Variants in UGT1A9 observed in about 807,000 individuals in gnomAD.
The protein encoded by UGT1A9 is UDP glucuronosyltransferase family 1 member A9.
In UGT1A9, 35 loss-of-function variants were observed where a neutral mutation model predicts 45.0. The observed-to-expected ratio is 0.78, with a 90% CI of 0.59 to 1.03. The LOEUF is 1.03. Ranked by LOEUF, UGT1A9 falls within the 50% of genes least tolerant of loss-of-function variation. The probability of loss-of-function intolerance (pLI) is 0.00; values close to 1 mark genes in which losing one functional copy is unlikely to be tolerated. For missense variants in UGT1A9, 687 were observed against 666.6 expected (o/e 1.03, Z -0.34); for synonymous variants, 278 against 250.6 (o/e 1.11, Z -1.03).
Position 233,672,273 on chromosome 2 carries a change from C to T in UGT1A9, c.339C>T (p.Tyr113=), listed in dbSNP as rs760653064. The change falls in exon 1 of 5, where the codon TAC becomes TAT. Residue 113 remains tyrosine (Y), a synonymous_variant. Coordinates refer to ENST00000354728, the MANE Select transcript of UGT1A9 (RefSeq NM_021027.3). ...RSIYSLLMGS[Y]NDIFDLFFSN... is the part of the protein sequence containing the mutation. Reference sequence around the variant, plus strand: ...TATATTCTCTATTAATGGGTTCATACAATGACATTTTTGACTTATTTTTTT... The same window carrying T: ...TATATTCTCTATTAATGGGTTCATATAATGACATTTTTGACTTATTTTTTT... The T allele has an allele frequency of 5.5e-5, 88 of 1,613,734 alleles. 1 individual carries two copies. Among genetic ancestry groups the T allele is most frequent in the Non-Finnish European group, 6.3e-5 (74 of 1,179,806 alleles).
chr2:233,689,916 G>C, intron 1 of UGT1A9: 1 of 456,658 alleles, frequency 2.2e-6, no homozygotes, highest in South Asian at 1.5e-5. Context: ...TAGGTGCCTG[G>C]AATTTCCTTC....
rs2077784718 is a variant in UGT1A9 at position 233,729,074 on chromosome 2, T to G, written c.856-37960T>G. 9 of 1,611,804 alleles carry G rather than the reference T, an allele frequency of 5.6e-6. No individual in the cohort carries two copies. The Admixed American group carries it at 8.3e-5, about 15-fold the overall frequency. ...AGGTAATTAAGATGAAGAAAGCAAATGTAGCAGGCACAGCGTGGGGTGGAC... is the reference window on the plus strand; with the variant it reads ...AGGTAATTAAGATGAAGAAAGCAAAGGTAGCAGGCACAGCGTGGGGTGGAC... On this transcript the variant is annotated intron_variant, in intron 1 of 4. Transcript: ENST00000354728.
At chr2:233,684,059 G>A (rs1039720910) in intron 1 of UGT1A9, among the ~76,000 whole-genome samples, 1 of 152,114 alleles carries the variant, frequency 6.6e-6, no homozygotes, top group African/African-American at 2.4e-5. Flanking sequence ...CCTGGTGTCT[G>A]ATCTAAGTAT....
At chr2:233,747,459 T>C (rs1388403150) in intron 1 of UGT1A9, 44 of 1,608,972 alleles carry the variant, frequency 2.7e-5, no homozygotes, top group Non-Finnish European at 3.4e-5. Context: ...CTATGCCATT[T>C]CATGGACCCA....
intron 1 of UGT1A9, chr2:233,719,082 G>C: frequency 6.2e-7 from 1 of 1,614,280 alleles, no homozygotes; most frequent in Non-Finnish European, 8.5e-7. Flanking sequence ...GACCCAGAAG[G>C]AATTTGATCG....
At chr2:233,737,324 G>A (rs1000160542) in intron 1 of UGT1A9, among the ~76,000 whole-genome samples, 2 of 152,246 alleles carry the variant, frequency 1.3e-5, no homozygotes, top group Non-Finnish European at 2.9e-5. Context: ...TGCTGCACTA[G>A]CAGTGAGCAA....
At chr2:233,760,852 C>A (rs770420506) in intron 1 of UGT1A9, 4 of 1,614,068 alleles carry the variant, frequency 2.5e-6, no homozygotes, top group Non-Finnish European at 3.4e-6. Flanking sequence ...GTGCCCCAAC[C>A]CATTCTCCTA....
intron 1 of UGT1A9, among the ~76,000 whole-genome samples, chr2:233,709,024 G>A (rs994653845): frequency 6.6e-6 from 1 of 152,068 alleles, no homozygotes; most frequent in Non-Finnish European, 1.5e-5. Flanking sequence ...CAAGCAGCAG[G>A]GGCTTCAGCC....
chr2:233,733,268 A>G (rs2078375878), intron 1 of UGT1A9, among the ~76,000 whole-genome samples: 1 of 152,120 alleles, frequency 6.6e-6, no homozygotes. Flanking sequence ...GGACTATTTG[A>G]CTTCCTCTTT....
intron 1 of UGT1A9, among the ~76,000 whole-genome samples, chr2:233,677,356 T>C (rs2074388289): frequency 6.6e-6 from 1 of 152,160 alleles, no homozygotes; most frequent in Non-Finnish European, 1.5e-5. Flanking sequence ...AATGTGGGAA[T>C]GAAGGGGACC....
At chr2:233,713,955 C>T in intron 1 of UGT1A9, 1 of 1,607,704 alleles carries the variant, frequency 6.2e-7, no homozygotes, top group Non-Finnish European at 8.5e-7. Context: ...CTTATCTTTC[C>T]AAAGATTTCA....
intron 1 of UGT1A9, chr2:233,747,395 C>CA (rs1422981033): frequency 1.9e-6 from 3 of 1,606,350 alleles, no homozygotes; most frequent in Non-Finnish European, 2.6e-6. Context: ...CGGTGGTCCT[C>CA]ACCCCAGAGG....
At position 233,672,174 on chromosome 2, in the gene UGT1A9, A is replaced by G. The variant is rs773426393; in HGVS notation, c.240A>G (p.Ser80=). The part of the protein sequence containing the change: ...LNCTVKTYST[S]YTLEDLDREF... ...GCACAGTGAAGACTTATTCAACTTC[A>G]TATACCCTGGAGGATCTGGACCGGG... Residue 80 remains serine (S), a synonymous_variant, in exon 1 of 5, where the codon TCA becomes TCG. Coordinates refer to ENST00000354728, the MANE Select transcript of UGT1A9 (RefSeq NM_021027.3). The G allele has an allele frequency of 6.2e-7, 1 of 1,614,210 alleles. No individual in the cohort carries two copies. Among genetic ancestry groups the G allele is most frequent in the Admixed American group, 1.7e-5 (1 of 60,026 alleles).
At chr2:233,718,979 C>G (rs143900667) in intron 1 of UGT1A9, 274 of 1,614,174 alleles carry the variant, frequency 1.7e-4, no homozygotes, top group East Asian at 1.0e-3. Flanking sequence ...AGCTCCATGC[C>G]AGAGGCCACC....
intron 1 of UGT1A9, among the ~76,000 whole-genome samples, chr2:233,707,217 C>T (rs1226493967): frequency 6.6e-6 from 1 of 152,140 alleles, no homozygotes; most frequent in African/African-American, 2.4e-5. Flanking sequence ...CATCTTTTCT[C>T]TGACTTTTGT....
intron 1 of UGT1A9, among the ~76,000 whole-genome samples, chr2:233,695,935 A>C (rs1408242527): frequency 6.6e-6 from 1 of 152,176 alleles, no homozygotes; most frequent in Non-Finnish European, 1.5e-5. Context: ...CAAGCAGGCA[A>C]TTCTGCCAGA....
chr2:233,694,940 T>G (rs779505929), intron 1 of UGT1A9, among the ~76,000 whole-genome samples: 17 of 152,240 alleles, frequency 1.1e-4, no homozygotes, highest in Non-Finnish European at 2.4e-4. Context: ...TCAGGGTAAT[T>G]GAGATATCCA....
intron 1 of UGT1A9, chr2:233,693,641 C>T: frequency 1.2e-6 from 2 of 1,614,166 alleles, no homozygotes; most frequent in Non-Finnish European, 1.7e-6. Context: ...GGCCAACTTC[C>T]TTGTTAATTT....
chr2:233,730,543 T>G (rs1559376026), intron 1 of UGT1A9, among the ~76,000 whole-genome samples: 2 of 152,132 alleles, frequency 1.3e-5, no homozygotes, highest in African/African-American at 2.4e-5. Flanking sequence ...GGGATGGATG[T>G]CTGTGATTAG....
Sources: allele counts gnomAD v4.1 joint callset (sites outside exome capture counted in the v4.1 genomes callset), GRCh38; gene constraint gnomAD v4.1.1; transcripts MANE v1.5; gene names NCBI Gene and HGNC (gene_info 2026-07-23, HGNC 2026-07-21).